CUBN: variants seen among roughly 807,000 people sequenced by gnomAD.
CUBN encodes the protein 460 kDa receptor.
In CUBN, 282 loss-of-function variants were observed where a neutral mutation model predicts 405.3. That is an observed-to-expected ratio of 0.70 (90% CI 0.63 to 0.77). The LOEUF (loss-of-function observed/expected upper bound fraction) is 0.77. Among genes scored for constraint, CUBN ranks in the 30% least tolerant of loss-of-function variants. The probability of loss-of-function intolerance (pLI) is 0.00; values close to 1 mark genes in which losing one functional copy is unlikely to be tolerated. For synonymous variants in CUBN, 1,684 were observed against 1,617.0 expected, an observed-to-expected ratio of 1.04 and a Z score of -0.99; for missense variants, 4,514 against 4,475.2, an observed-to-expected ratio of 1.01 and a Z score of -0.25.
At chr10:17,018,049 G>A (rs1321816035) in intron 28 of CUBN, among the ~76,000 whole-genome samples, 1 of 152,104 alleles carries the variant, frequency 6.6e-6, no homozygotes, top group South Asian at 2.1e-4. Flanking sequence ...CAGAAGTACA[G>A]GAAAAGCGGA....
chr10:16,940,408 T>C (rs949735722), intron 36 of CUBN, among the ~76,000 whole-genome samples, 171 bp from the exon 37 acceptor site: 2 of 152,232 alleles, frequency 1.3e-5, no homozygotes, highest in Non-Finnish European at 2.9e-5. Context: ...CTTGTTGAAA[T>C]GTGTATCCAA....
At chr10:16,916,227 A>G (rs1841880038) in intron 45 of CUBN, among the ~76,000 whole-genome samples, 197 bp from the exon 46 acceptor site, 1 of 152,208 alleles carries the variant, frequency 6.6e-6, no homozygotes, top group East Asian at 1.9e-4. Flanking sequence ...TGTTGATGTA[A>G]ACAGAAATGA....
chr10:16,986,615 C>G (rs552666648), intron 29 of CUBN, among the ~76,000 whole-genome samples: 13 of 152,268 alleles, frequency 8.5e-5, no homozygotes, highest in African/African-American at 2.9e-4. Context: ...GTGCACTCCC[C>G]CCAAGTCCCA....
At chr10:17,088,551 C>T (rs182930534) in intron 14 of CUBN, among the ~76,000 whole-genome samples, 13 of 152,300 alleles carry the variant, frequency 8.5e-5, no homozygotes, top group Admixed American at 7.2e-4. Flanking sequence ...AAATGAATCA[C>T]CCATGTGTCA....
At chr10:16,940,375 T>C in intron 36 of CUBN, 138 bp from the exon 37 acceptor site, 1 of 818,090 alleles carries the variant, frequency 1.2e-6, no homozygotes, top group South Asian at 1.5e-5. Flanking sequence ...TTTGGCTGTC[T>C]CAAAAAATTT....
intron 59 of CUBN, among the ~76,000 whole-genome samples, chr10:16,854,260 ACT>A (rs1839805998): frequency 6.6e-6 from 1 of 152,208 alleles, no homozygotes; most frequent in South Asian, 2.1e-4. Context: ...GGCAAGCATA[ACT>A]CTGAGAAAAG....
At chr10:16,845,619 A>G (rs1259088405) in intron 60 of CUBN, among the ~76,000 whole-genome samples, 1 of 152,240 alleles carries the variant, frequency 6.6e-6, no homozygotes, top group Non-Finnish European at 1.5e-5. Context: ...ATTGTTTTCT[A>G]AAATCTCAAT....
At chr10:17,118,808 A>G (rs965870415) in intron 6 of CUBN, among the ~76,000 whole-genome samples, 13 of 152,238 alleles carry the variant, frequency 8.5e-5, no homozygotes, top group African/African-American at 3.1e-4. Context: ...ATGGCCTTTA[A>G]AAATGAACAA....
rs1202931679 is a variant in CUBN at position 16,825,054 on chromosome 10, G to A, written c.10793C>T (p.Ser3598Phe). The part of the protein sequence containing the change: ...GDTSIAPFVA[S>F]SNQVFIKFHA... ...AAATTTTATGAAGACCTGATTTGAG[G>A]AAGCCACGAAGGGAGCTATGCTGGT... The change falls in exon 67 of 67, where the codon TCC (serine) becomes TTC (phenylalanine). Residue 3598 changes from serine to phenylalanine, a missense_variant. Around this residue, in one of 5 missense-constraint regions of CUBN, gnomAD observed 1,186 missense variants for 1,186.9 expected, o/e 1.00. Transcript: ENST00000377833. 1 of 1,613,590 alleles carries A rather than the reference G, an allele frequency of 6.2e-7. No individual in the cohort carries two copies. Among genetic ancestry groups the A allele is most frequent in the East Asian group, 2.2e-5 (1 of 44,860 alleles).
At chr10:17,034,434 A>G (rs1428868432) in intron 27 of CUBN, among the ~76,000 whole-genome samples, 1 of 152,200 alleles carries the variant, frequency 6.6e-6, no homozygotes, top group East Asian at 1.9e-4. Context: ...AATGTATGTT[A>G]ACAAGATGCC....
intron 23 of CUBN, among the ~76,000 whole-genome samples, chr10:17,046,672 A>G (rs557781107): frequency 3.5e-4 from 53 of 152,298 alleles, no homozygotes; most frequent in African/African-American, 1.1e-3. Flanking sequence ...GTAAATTAAG[A>G]AAATTATGTC....
intron 63 of CUBN, 41 bp from the exon 64 acceptor site, chr10:16,835,236 T>C (rs1839134217): frequency 1.4e-6 from 2 of 1,472,676 alleles, no homozygotes; most frequent in African/African-American, 2.8e-5. Flanking sequence ...CGCATTCCAA[T>C]ATTTAGTGCT....
At chr10:17,013,826 C>T (rs979725599) in intron 28 of CUBN, among the ~76,000 whole-genome samples, 7 of 152,316 alleles carry the variant, frequency 4.6e-5, no homozygotes, top group Admixed American at 4.6e-4. Flanking sequence ...TATGGCACAA[C>T]CTGCCTTTTG....
chr10:17,081,304 T>C (rs566428743), intron 17 of CUBN, among the ~76,000 whole-genome samples: 28 of 152,254 alleles, frequency 1.8e-4, no homozygotes, highest in African/African-American at 6.7e-4. Flanking sequence ...AGTACACCTA[T>C]TCACATGCAA....
intron 18 of CUBN, 40 bp downstream of exon 18, chr10:17,071,787 T>C (rs757420904): frequency 1.0e-5 from 16 of 1,598,668 alleles, no homozygotes; most frequent in Non-Finnish European, 1.2e-5. Flanking sequence ...AATATTACAA[T>C]CAGGCAAATT....
At chr10:16,911,999 A>G (rs967570617) in intron 48 of CUBN, among the ~76,000 whole-genome samples, 3 of 152,160 alleles carry the variant, frequency 2.0e-5, no homozygotes, top group Non-Finnish European at 2.9e-5. Context: ...TATTTTTTCT[A>G]CTTCATCTTT....
chr10:16,933,262 C>T lies in CUBN; in HGVS notation c.5949G>A (p.Arg1983=), dbSNP rs1202641067. 5.0e-6 allele frequency: 8 copies of T among 1,613,676 alleles called. No individual in the cohort carries two copies. The Middle Eastern group carries it at 5.1e-4, about 103-fold the overall frequency. Residue 1983 remains arginine (R), a synonymous_variant, in exon 40 of 67, where the codon AGG becomes AGA. Transcript: ENST00000377833. ...IAPGACGGFL[R]TGDAPVFLFS... is the part of the protein sequence containing the mutation. ...AGAGAAACACGGGTGCATCTCCCGTCCTCAGGAAGCCACCACAAGCACCTG... is the reference window on the plus strand; with the variant it reads ...AGAGAAACACGGGTGCATCTCCCGTTCTCAGGAAGCCACCACAAGCACCTG...
intron 40 of CUBN, among the ~76,000 whole-genome samples, chr10:16,931,738 T>A (rs1021963026): frequency 6.6e-6 from 1 of 152,174 alleles, no homozygotes; most frequent in Non-Finnish European, 1.5e-5. Flanking sequence ...TTGGAGCCAC[T>A]TTGTGACCTG....
At chr10:16,826,272 A>G (rs895346167) in intron 66 of CUBN, among the ~76,000 whole-genome samples, 1 of 150,954 alleles carries the variant, frequency 6.6e-6, no homozygotes, top group African/African-American at 2.5e-5. Flanking sequence ...CTGTATGTAT[A>G]TAAATATTAC....
Sources: gnomAD v4.1 joint callset for allele counts (sites outside exome capture counted in the v4.1 genomes callset) on GRCh38, gnomAD v4.1.1 for gene constraint, gnomAD v4.1.1 regional missense constraint, MANE v1.5 for transcripts, NCBI Gene and HGNC (gene_info 2026-07-23, HGNC 2026-07-21) for gene names.